The following CAAP1 variants were observed in gnomAD, a reference collection of about 807,000 sequenced individuals.
The protein encoded by CAAP1 is conserved anti-apoptotic protein.
Under a neutral mutation model 34.0 loss-of-function variants are expected in CAAP1, and 20 were observed. The ratio of observed to expected loss-of-function variants is 0.59; its 90% CI spans 0.41 to 0.86. The LOEUF (loss-of-function observed/expected upper bound fraction) is 0.86, where lower values mean the gene tolerates loss of function less well. Ranked by LOEUF, CAAP1 falls within the 40% of genes least tolerant of loss-of-function variation. CAAP1 has a pLI of 0.00. For synonymous variants in CAAP1, 213 were observed against 166.7 expected, an observed-to-expected ratio of 1.28 and a Z score of -2.14; for missense variants, 538 against 450.5, an observed-to-expected ratio of 1.19 and a Z score of -1.76.
chr9:26,862,885 AGT>A (rs1250806646), intron 4 of CAAP1, among the ~76,000 whole-genome samples: 4 of 152,150 alleles, frequency 2.6e-5, no homozygotes, highest in African/African-American at 9.7e-5. Flanking sequence ...TATAGTGAAA[AGT>A]GTCATGGTGT....
At chr9:26,880,473 G>A in intron 4 of CAAP1, 1 of 194,556 alleles carries the variant, frequency 5.1e-6, no homozygotes. Context: ...ACTCTTGTAA[G>A]CAGCCTTTGT....
intron 4 of CAAP1, among the ~76,000 whole-genome samples, chr9:26,867,565 A>G (rs7852568): frequency 6.6e-6 from 1 of 152,102 alleles, no homozygotes; most frequent in Non-Finnish European, 1.5e-5. Context: ...ATGGGGAAAA[A>G]TTACATCTGT....
intron 5 of CAAP1, among the ~76,000 whole-genome samples, chr9:26,848,615 T>C (rs1348746801): frequency 1.3e-5 from 2 of 152,232 alleles, no homozygotes; most frequent in Non-Finnish European, 2.9e-5. Context: ...AGTGTTTACT[T>C]TTATCTAATT....
chr9:26,892,003 TAAC>T (rs1823914950), intron 1 of CAAP1, among the ~76,000 whole-genome samples: 1 of 152,152 alleles, frequency 6.6e-6, no homozygotes, highest in African/African-American at 2.4e-5. Context: ...GGGTAAAGTT[TAAC>T]TTCTTTGGGC....
At chr9:26,851,451 G>A (rs760745995) in intron 5 of CAAP1, among the ~76,000 whole-genome samples, 15 of 152,120 alleles carry the variant, frequency 9.9e-5, no homozygotes, top group Non-Finnish European at 1.9e-4. Context: ...AAAAAAGGCA[G>A]TATCCAAAAT....
intron 4 of CAAP1, among the ~76,000 whole-genome samples, chr9:26,867,905 C>T (rs2098248497): frequency 6.6e-6 from 1 of 152,012 alleles, no homozygotes; most frequent in South Asian, 2.1e-4. Flanking sequence ...ACTAGACTTC[C>T]AAGGGTCCTT....
chr9:26,878,791 G>C (rs1367615532), intron 4 of CAAP1, among the ~76,000 whole-genome samples: 1 of 151,690 alleles, frequency 6.6e-6, no homozygotes. Context: ...CTCCAGCTTG[G>C]GGGACAGAGT....
chr9:26,848,698 GT>G (rs1350157326), intron 5 of CAAP1, among the ~76,000 whole-genome samples: 3 of 152,068 alleles, frequency 2.0e-5, no homozygotes, highest in Non-Finnish European at 4.4e-5. Flanking sequence ...TTACATTTTA[GT>G]TTTTTCTATT....
intron 5 of CAAP1, among the ~76,000 whole-genome samples, chr9:26,850,442 T>C (rs1386390837): frequency 6.6e-6 from 1 of 152,190 alleles, no homozygotes; most frequent in African/African-American, 2.4e-5. Flanking sequence ...CTCTTCTGTT[T>C]GAGGATCATG....
chr9:26,853,355 A>C (rs771247933), intron 5 of CAAP1, among the ~76,000 whole-genome samples: 1 of 152,158 alleles, frequency 6.6e-6, no homozygotes, highest in African/African-American at 2.4e-5. Context: ...GGAGTCACAG[A>C]GGGATCTAGA....
At chr9:26,876,940 G>A (rs754390568) in intron 4 of CAAP1, among the ~76,000 whole-genome samples, 4 of 152,060 alleles carry the variant, frequency 2.6e-5, no homozygotes, top group Non-Finnish European at 5.9e-5. Flanking sequence ...GATCACTTGA[G>A]GCTGGGAGTT....
Position 26,842,461 on chromosome 9 carries a change from G to T in CAAP1, c.926C>A (p.Ala309Glu). The T allele has an allele frequency of 6.2e-7, 1 of 1,614,132 alleles. No homozygotes were observed. The highest frequency in any genetic ancestry group is 1.7e-5 in the Admixed American group (1 of 60,004). Residue 309 changes from alanine to glutamate, a missense_variant, in exon 6 of 6, where the codon GCA becomes GAA. Transcript: ENST00000333916. ...TTTGGGTTCGTTTGGGCTAGACTCTGCCAGTCCTAGAATCTCATTCACACT... is the reference window on the plus strand; with the variant it reads ...TTTGGGTTCGTTTGGGCTAGACTCTTCCAGTCCTAGAATCTCATTCACACT... ...EKSVNEILGL[A>E]ESSPNEPKAA...
intron 5 of CAAP1, among the ~76,000 whole-genome samples, chr9:26,849,787 T>C (rs1822701152): frequency 6.6e-6 from 1 of 152,190 alleles, no homozygotes; most frequent in African/African-American, 2.4e-5. Context: ...CATAAACAGA[T>C]TTTTGACATT....
At chr9:26,883,374 C>T (rs908330017) in intron 4 of CAAP1, among the ~76,000 whole-genome samples, 1 of 152,180 alleles carries the variant, frequency 6.6e-6, no homozygotes, top group Non-Finnish European at 1.5e-5. Context: ...ATGTATGAAG[C>T]ACCTTTCACC....
chr9:26,880,139 A>T (rs948323319), intron 4 of CAAP1: 33 of 206,276 alleles, frequency 1.6e-4, no homozygotes, highest in African/African-American at 7.6e-4. Context: ...TTCCCATCAC[A>T]GTGGTTTCTT....
chr9:26,846,592 C>G (rs1209916352), intron 5 of CAAP1, among the ~76,000 whole-genome samples: 1 of 151,996 alleles, frequency 6.6e-6, no homozygotes, highest in East Asian at 1.9e-4. Context: ...TTTTGTTATA[C>G]TGTAAATTCA....
rs758308671 is a variant in CAAP1, at chr9:26,892,645, G to C, written c.71C>G (p.Ala24Gly). 2 of 1,608,134 alleles carry C rather than the reference G, an allele frequency of 1.2e-6. No homozygotes were observed. Among genetic ancestry groups the C allele is most frequent in the Non-Finnish European group, 1.7e-6 (2 of 1,179,286 alleles). ...RSSQEAAAAL[A>G]APDIVPALAS... Reference sequence around the variant, plus strand: ...CAACGCGGGTACGATGTCCGGGGCCGCGAGCGCTGCGGCCGCCTCCTGACT... The same window carrying C: ...CAACGCGGGTACGATGTCCGGGGCCCCGAGCGCTGCGGCCGCCTCCTGACT... Residue 24 changes from alanine (A) to glycine (G), a missense_variant, in exon 1 of 6, where the codon GCG becomes GGG. Physicochemically the swap from Ala to Gly is moderately conservative, Grantham distance 60. Transcript: ENST00000333916.
At chr9:26,882,705 T>G (rs762577438) in intron 4 of CAAP1, among the ~76,000 whole-genome samples, 10 of 151,956 alleles carry the variant, frequency 6.6e-5, no homozygotes, top group Non-Finnish European at 1.2e-4. Flanking sequence ...CACTGACAAC[T>G]TGCACCGTGC....
chr9:26,855,997 C>A (rs967073831), intron 5 of CAAP1, among the ~76,000 whole-genome samples: 2 of 152,120 alleles, frequency 1.3e-5, no homozygotes, highest in African/African-American at 4.8e-5. Context: ...ATACTGAAAT[C>A]TTTGTGGTGC....
Sources: gnomAD v4.1 joint callset for allele counts (sites outside exome capture counted in the v4.1 genomes callset) on GRCh38, gnomAD v4.1.1 for gene constraint, MANE v1.5 for transcripts, NCBI Gene and HGNC (gene_info 2026-07-23, HGNC 2026-07-21) for gene names.